Variants in FAM174A observed in about 807,000 individuals in gnomAD.
FAM174A encodes membrane protein FAM174A.
In FAM174A, 14 loss-of-function variants were observed where a neutral mutation model predicts 14.3. The ratio of observed to expected loss-of-function variants is 0.98; its 90% CI spans 0.65 to 1.53. The LOEUF (loss-of-function observed/expected upper bound fraction) is 1.53, where lower values mean the gene tolerates loss of function less well. FAM174A is among the 40% of genes most tolerant of loss of function. The pLI, the probability that FAM174A is intolerant of heterozygous loss-of-function variation, is 0.00. For synonymous variants in FAM174A, 108 were observed against 111.4 expected, an observed-to-expected ratio of 0.97 and a Z score of 0.19; for missense variants, 241 against 249.6, an observed-to-expected ratio of 0.97 and a Z score of 0.23.
chr5:100,541,546 A>G (rs1561311598), intron 1 of FAM174A, among the ~76,000 whole-genome samples: 1 of 152,000 alleles, frequency 6.6e-6, no homozygotes, highest in East Asian at 1.9e-4. Context: ...GGGTCCATTT[A>G]AGAATGAACT....
At chr5:100,552,907 T>A (rs1746293146) in intron 1 of FAM174A, among the ~76,000 whole-genome samples, 2 of 152,068 alleles carry the variant, frequency 1.3e-5, no homozygotes, top group Admixed American at 1.3e-4. Flanking sequence ...CCATATAGCT[T>A]TTTTCTTTTG....
chr5:100,563,412 A>G (rs1051493323), intron 2 of FAM174A, among the ~76,000 whole-genome samples: 1 of 150,244 alleles, frequency 6.7e-6, no homozygotes, highest in Non-Finnish European at 1.5e-5. Flanking sequence ...AAAAAAAAAA[A>G]GATCATTACA....
intron 2 of FAM174A, among the ~76,000 whole-genome samples, chr5:100,565,456 A>G (rs1472858083): frequency 6.6e-6 from 1 of 151,900 alleles, no homozygotes; most frequent in Non-Finnish European, 1.5e-5. Context: ...TCCAAAATTT[A>G]TAAGGAGTGC....
chr5:100,535,382 C>G lies in FAM174A; in HGVS notation c.-149C>G. On this transcript the variant is annotated 5_prime_UTR_variant, in exon 1 of 3. Coordinates refer to ENST00000312637, the MANE Select transcript of FAM174A (RefSeq NM_198507.3). Reference sequence around the variant, plus strand: ...CTTCCGGTTCTCCGGGCAGCTGCCACTGCTGTAGCTTCTGCCACCTGCCAC... The same window carrying G: ...CTTCCGGTTCTCCGGGCAGCTGCCAGTGCTGTAGCTTCTGCCACCTGCCAC... 2.5e-6 allele frequency: 2 copies of G among 803,044 alleles called. No homozygotes were observed. The highest frequency in any genetic ancestry group is 2.0e-6 in the Non-Finnish European group (1 of 502,086). 49.7% of individuals were successfully genotyped at this position (803,044 alleles called of 1,614,324 possible).
Position 100,535,653 on chromosome 5 carries a change from A to G in FAM174A, c.123A>G (p.Pro41=), listed in dbSNP as rs770704958. The G allele has an allele frequency of 6.2e-7, 1 of 1,612,756 alleles. No homozygotes were observed. Among genetic ancestry groups the G allele is most frequent in the South Asian group, 1.1e-5 (1 of 91,062 alleles). The change falls in exon 1 of 3, where the codon CCA becomes CCG. Residue 41 remains proline, a synonymous_variant. Transcript: ENST00000312637. The stretch of plus-strand genomic sequence containing the variant: ...TGCTGCAGGCAGCCGAGGCCGCGCC[A>G]GGTCTTGGGCCTCCTGACCCTAGAC... ...AVLLQAAEAA[P]GLGPPDPRPR... is the part of the protein sequence containing the mutation.
chr5:100,574,581 G>A (rs144384137), intron 2 of FAM174A, among the ~76,000 whole-genome samples: 1 of 152,200 alleles, frequency 6.6e-6, no homozygotes, highest in African/African-American at 2.4e-5. Context: ...TCCTATTTCA[G>A]CTATCTTAAC....
At chr5:100,541,409 C>T (rs1436595597) in intron 1 of FAM174A, among the ~76,000 whole-genome samples, 2 of 152,218 alleles carry the variant, frequency 1.3e-5, no homozygotes, top group Admixed American at 6.5e-5. Flanking sequence ...CTCTAATCAG[C>T]ATAAATCTTT....
intron 2 of FAM174A, chr5:100,581,310 C>T (rs1187241931): frequency 1.1e-6 from 1 of 908,996 alleles, no homozygotes; most frequent in African/African-American, 1.8e-5. Flanking sequence ...TCCTTAGCTA[C>T]TTTTCTCATA....
intron 2 of FAM174A, among the ~76,000 whole-genome samples, chr5:100,564,537 T>A: frequency 6.6e-6 from 1 of 151,700 alleles, no homozygotes; most frequent in East Asian, 1.9e-4. Flanking sequence ...TAATTAAGAT[T>A]ATAATAGAAA....
At chr5:100,536,016 G>GT in intron 1 of FAM174A, 52 bp downstream of exon 1, 1 of 1,475,442 alleles carries the variant, frequency 6.8e-7, no homozygotes, top group Non-Finnish European at 9.1e-7. Flanking sequence ...TACGCAGGCC[G>GT]GTGATCTCCA....
intron 1 of FAM174A, among the ~76,000 whole-genome samples, chr5:100,547,935 C>A (rs554640918): frequency 2.0e-5 from 3 of 151,930 alleles, no homozygotes; most frequent in African/African-American, 7.2e-5. Flanking sequence ...CCACTCTTGC[C>A]TTTCTATAGG....
In FAM174A at chr5:100,569,961, C is replaced by A. The variant is rs185602542; in HGVS notation, c.569+7773C>A. Reference sequence around the variant, plus strand: ...TCTTCTCTAAGCCAGATTTACTTTTCTCTTTTAAAATGAGCAATAAGGATG... The same window carrying A: ...TCTTCTCTAAGCCAGATTTACTTTTATCTTTTAAAATGAGCAATAAGGATG... On this transcript the variant is annotated intron_variant, in intron 2 of 2. Coordinates refer to ENST00000312637, the MANE Select transcript of FAM174A (RefSeq NM_198507.3). 1.5e-3 allele frequency among the ~76,000 whole-genome samples: 228 copies of A among 151,912 alleles called. 1 individual carries two copies. The highest frequency in any genetic ancestry group is 5.0e-3 in the African/African-American group (209 of 41,514).
At chr5:100,580,607 C>A (rs1327865694) in intron 2 of FAM174A, among the ~76,000 whole-genome samples, 1 of 152,158 alleles carries the variant, frequency 6.6e-6, no homozygotes, top group Non-Finnish European at 1.5e-5. Context: ...ATTGTGCCAC[C>A]CCAGATTAAG....
At chr5:100,554,448 C>T (rs1746327932) in intron 1 of FAM174A, among the ~76,000 whole-genome samples, 1 of 150,904 alleles carries the variant, frequency 6.6e-6, no homozygotes, top group Non-Finnish European at 1.5e-5. Flanking sequence ...TCCCGAGTAG[C>T]TGGGATTACA....
chr5:100,577,650 A>C (rs1412460274), intron 2 of FAM174A, among the ~76,000 whole-genome samples: 2 of 152,128 alleles, frequency 1.3e-5, no homozygotes, highest in African/African-American at 2.4e-5. Context: ...ATAGTATCAG[A>C]ATAAACACTA....
Position 100,536,001 on chromosome 5 carries a change from T to G in FAM174A, c.434+37T>G. ...CCTCGGTGGGGCACCCCCGTGGGCC[T>G]GAGATACGCAGGCCGGTGATCTCCA... On this transcript the variant is annotated intron_variant, in intron 1 of 2. Coordinates refer to ENST00000312637, the MANE Select transcript of FAM174A (RefSeq NM_198507.3). 3 of 1,516,608 alleles carry G rather than the reference T, an allele frequency of 2.0e-6. No individual in the cohort carries two copies. In the South Asian group the frequency reaches 3.9e-5, roughly 20 times the overall value. 93.9% of individuals were successfully genotyped at this position (1,516,608 alleles called of 1,614,324 possible).
intron 1 of FAM174A, among the ~76,000 whole-genome samples, chr5:100,544,539 G>A (rs1746128617): frequency 6.6e-6 from 1 of 152,184 alleles, no homozygotes; most frequent in Non-Finnish European, 1.5e-5. Context: ...ATCAAAACAT[G>A]TAAATGAAGA....
chr5:100,562,660 T>C (rs1356620409), intron 2 of FAM174A, among the ~76,000 whole-genome samples: 2 of 151,598 alleles, frequency 1.3e-5, no homozygotes, highest in East Asian at 3.9e-4. Context: ...AAATTTAATT[T>C]CCTTTTTGTA....
At chr5:100,556,034 T>A (rs1434501513) in intron 1 of FAM174A, among the ~76,000 whole-genome samples, 3 of 152,232 alleles carry the variant, frequency 2.0e-5, no homozygotes, top group Non-Finnish European at 4.4e-5. Context: ...ATGTCCTGAA[T>A]GGTATTGCCT....
Sources: gnomAD v4.1 joint callset for allele counts (sites outside exome capture counted in the v4.1 genomes callset) on GRCh38, gnomAD v4.1.1 for gene constraint, MANE v1.5 for transcripts, NCBI Gene and HGNC (gene_info 2026-07-23, HGNC 2026-07-21) for gene names.